The following FMNL3 variants were observed in gnomAD, a reference collection of about 807,000 sequenced individuals.
The protein encoded by FMNL3 is formin-like protein 3.
FMNL3 carries 57 observed loss-of-function variants against 119.6 expected under a neutral mutation model. The observed-to-expected ratio is 0.48, with a 90% CI of 0.39 to 0.59. The LOEUF (loss-of-function observed/expected upper bound fraction) is 0.59. FMNL3 is among the 20% of genes least tolerant of loss of function. FMNL3 has a pLI of 0.00. For synonymous variants in FMNL3, 491 were observed against 507.3 expected (o/e 0.97, Z 0.43); for missense variants, 1,053 against 1,323.5 (o/e 0.80, Z 3.17).
intron 1 of FMNL3, among the ~76,000 whole-genome samples, chr12:49,703,228 A>G (rs1944956517): frequency 6.6e-6 from 1 of 152,186 alleles, no homozygotes; most frequent in Admixed American, 6.5e-5. Flanking sequence ...CCTTTCAAAG[A>G]CCTTAGAGCC....
chr12:49,686,033 C>T (rs1000720376), intron 1 of FMNL3, among the ~76,000 whole-genome samples: 2 of 152,022 alleles, frequency 1.3e-5, no homozygotes, highest in African/African-American at 4.8e-5. Context: ...TGCCACTGTA[C>T]TCCACCCTGG....
chr12:49,647,801 C>T lies in FMNL3; in HGVS notation c.2680G>A (p.Ala894Thr), dbSNP rs376293613. The T allele has an allele frequency of 7.7e-5, 125 of 1,613,502 alleles. No homozygotes were observed. The highest frequency in any genetic ancestry group is 3.3e-5 in the Admixed American group (2 of 59,996). ...LQRDAKTAEE[A>T]YNAVVRYFGE... The stretch of plus-strand genomic sequence containing the variant: ...AAGTAGCGCACAACTGCATTGTAGG[C>T]CTCCTGGGGAAGGGGTGGGCAGAAT... Residue 894 changes from alanine (A) to threonine (T), a missense_variant, in exon 23 of 26, where the codon GCC becomes ACC. Coordinates refer to ENST00000335154, the MANE Select transcript of FMNL3 (RefSeq NM_175736.5). The surrounding 1 kb of genome is among the most constrained non-coding windows in gnomAD (Gnocchi z 4.9).
chr12:49,678,226 C>T (rs572684701), intron 1 of FMNL3, among the ~76,000 whole-genome samples: 2 of 150,402 alleles, frequency 1.3e-5, no homozygotes, highest in South Asian at 2.1e-4. Context: ...GGTGTGATCT[C>T]GGCTCACCAC....
chr12:49,637,874 C>G lies in FMNL3; in HGVS notation c.*7941G>C. 2 of 1,436,642 alleles carry G rather than the reference C, an allele frequency of 1.4e-6. No individual in the cohort carries two copies. Among genetic ancestry groups the G allele is most frequent in the Non-Finnish European group, 9.8e-7 (1 of 1,023,064 alleles). The allele number at this position is 1,436,642 out of a possible 1,614,324, so 89.0% of individuals were successfully genotyped here. On this transcript the variant is annotated 3_prime_UTR_variant, in exon 26 of 26. Transcript: ENST00000335154. The stretch of plus-strand genomic sequence containing the variant: ...GGATACAGGATGGATGCAGGGCACA[C>G]TCCCTGCAGAGGACTCCCTGATAAG...
At chr12:49,698,572 A>G (rs1944817437) in intron 1 of FMNL3, among the ~76,000 whole-genome samples, 1 of 151,890 alleles carries the variant, frequency 6.6e-6, no homozygotes, top group Admixed American at 6.5e-5. Flanking sequence ...CAACACACAA[A>G]CCCCAACCCA....
intron 5 of FMNL3, 66 bp from the exon 6 acceptor site, chr12:49,658,660 G>A: frequency 2.7e-6 from 4 of 1,482,800 alleles, no homozygotes; most frequent in Non-Finnish European, 3.6e-6. Flanking sequence ...CAGTGCCAAG[G>A]CCCCCCGTGA....
At chr12:49,695,538 T>C (rs892598279) in intron 1 of FMNL3, among the ~76,000 whole-genome samples, 8 of 152,150 alleles carry the variant, frequency 5.3e-5, no homozygotes, top group African/African-American at 1.9e-4. Flanking sequence ...TACTGCCTCA[T>C]AGAGTTGTTG....
intron 1 of FMNL3, among the ~76,000 whole-genome samples, chr12:49,704,114 C>T (rs1165390833): frequency 6.6e-6 from 1 of 152,070 alleles, no homozygotes; most frequent in Non-Finnish European, 1.5e-5. Context: ...TCATTAAATC[C>T]ACACAACAAC....
At chr12:49,705,373 C>T (rs935892341) in intron 1 of FMNL3, among the ~76,000 whole-genome samples, 3 of 152,122 alleles carry the variant, frequency 2.0e-5, no homozygotes, top group Non-Finnish European at 2.9e-5. Context: ...AGTTTGCTAA[C>T]TAAACGAAAT....
chr12:49,648,697 T>C (rs2138715822), intron 21 of FMNL3, among the ~76,000 whole-genome samples: 1 of 152,358 alleles, frequency 6.6e-6, no homozygotes, highest in South Asian at 2.1e-4. Context: ...ATGATTTTTT[T>C]CTAAGCACTT....
Position 49,707,103 on chromosome 12 carries a change from C to T in FMNL3, c.78G>A (p.Met26Ile), listed in dbSNP as rs187558316. 2 of 1,602,416 alleles carry T rather than the reference C, an allele frequency of 1.2e-6. No individual in the cohort carries two copies. Among genetic ancestry groups the T allele is most frequent in the South Asian group, 1.1e-5 (1 of 89,166 alleles). ...SVPLLLPPGKMPMPEPCELEE... is the reference protein window; with the variant it reads ...SVPLLLPPGKIPMPEPCELEE... ...CCAGCTCACAGGGCTCAGGCATCGG[C>T]ATCTTGCCGGGCGGCAGCAACAACG... Residue 26 changes from methionine to isoleucine, a missense_variant, in exon 1 of 26, where the codon ATG becomes ATA. This residue lies in a region of FMNL3 where 264 missense variants were observed against 265.5 expected (regional missense o/e 0.99). Coordinates refer to ENST00000335154, the MANE Select transcript of FMNL3 (RefSeq NM_175736.5).
Position 49,643,027 on chromosome 12 carries a change from G to C in FMNL3, c.*2788C>G, listed in dbSNP as rs150633132. The C allele has an allele frequency of 2.5e-6, 4 of 1,612,730 alleles. No individual in the cohort carries two copies. Among genetic ancestry groups the C allele is most frequent in the Non-Finnish European group, 2.5e-6 (3 of 1,179,014 alleles). ...TCCCACTCACCCTCAGTGAGTAAGC[G>C]TGTAGAAGGGACATGGGGTGAAGCT... On this transcript the variant is annotated 3_prime_UTR_variant, in exon 26 of 26. Transcript: ENST00000335154.
chr12:49,702,458 T>C (rs199553055), intron 1 of FMNL3, among the ~76,000 whole-genome samples: 2 of 152,308 alleles, frequency 1.3e-5, no homozygotes, highest in South Asian at 2.1e-4. Flanking sequence ...AATATGGATG[T>C]TTTTCTTTAA....
intron 25 of FMNL3, 84 bp downstream of exon 25, chr12:49,646,802 G>A (rs1356252221): frequency 1.2e-6 from 2 of 1,605,524 alleles, no homozygotes; most frequent in Admixed American, 1.7e-5. Flanking sequence ...GGGGGGTGGG[G>A]TGGGAGGAGA....
intron 8 of FMNL3, 89 bp downstream of exon 8, chr12:49,656,734 G>A (rs1943581327): frequency 2.3e-6 from 3 of 1,312,798 alleles, no homozygotes; most frequent in Non-Finnish European, 3.3e-6. Flanking sequence ...AGGACTCCAA[G>A]GCCAGGCAGA....
chr12:49,677,806 A>C (rs914234759), intron 1 of FMNL3, among the ~76,000 whole-genome samples: 6 of 152,222 alleles, frequency 3.9e-5, no homozygotes, highest in Non-Finnish European at 8.8e-5. Flanking sequence ...ACATCTAATT[A>C]GACTGTGGAG....
intron 1 of FMNL3, among the ~76,000 whole-genome samples, chr12:49,677,715 T>C (rs529046458): frequency 1.6e-4 from 25 of 152,278 alleles, no homozygotes; most frequent in African/African-American, 5.5e-4. Flanking sequence ...TGAGGAAAGG[T>C]ATACATGCAA....
chr12:49,674,427 C>A (rs1944130032), intron 1 of FMNL3, among the ~76,000 whole-genome samples: 1 of 152,162 alleles, frequency 6.6e-6, no homozygotes, highest in Non-Finnish European at 1.5e-5. Context: ...GCAGTTACCT[C>A]CCTGGACTCT....
Position 49,649,829 on chromosome 12 carries a change from C to T in FMNL3, c.2097G>A (p.Arg699=), listed in dbSNP as rs762817611. Reference sequence around the variant, plus strand: ...CCAACTCCTCCAGGGGCTGCCGCTCCCGCTCATATTGCCGCAGCAGCTTTA... The same window carrying T: ...CCAACTCCTCCAGGGGCTGCCGCTCTCGCTCATATTGCCGCAGCAGCTTTA... ...AEVKLLRQYE[R]ERQPLEELAA... The change falls in exon 18 of 26, where the codon CGG becomes CGA. Residue 699 remains arginine, a synonymous_variant. Transcript: ENST00000335154. The surrounding 1 kb of genome is among the most constrained non-coding windows in gnomAD (Gnocchi z 5.6). The T allele has an allele frequency of 1.1e-5, 17 of 1,614,196 alleles. No individual in the cohort carries two copies. The South Asian group carries it at 1.9e-4, about 18-fold the overall frequency.
Sources: allele counts gnomAD v4.1 joint callset (sites outside exome capture counted in the v4.1 genomes callset), GRCh38; gene constraint gnomAD v4.1.1; regional missense constraint gnomAD v4.1.1; non-coding constraint Gnocchi (gnomAD v3.1); transcripts MANE v1.5; gene names NCBI Gene and HGNC (gene_info 2026-07-23, HGNC 2026-07-21).